CACNA1H: variants seen among roughly 807,000 people sequenced by gnomAD.
CACNA1H encodes voltage-dependent T-type calcium channel subunit alpha-1H.
CACNA1H carries 149 observed loss-of-function variants against 192.5 expected under a neutral mutation model. The ratio of observed to expected loss-of-function variants is 0.77; its 90% CI spans 0.68 to 0.89. The LOEUF (loss-of-function observed/expected upper bound fraction) is 0.89. CACNA1H is among the 40% of genes least tolerant of loss of function. The pLI is 0.00. For synonymous variants in CACNA1H, 2,202 were observed against 1,475.2 expected, an observed-to-expected ratio of 1.49 and a Z score of -11.29; for missense variants, 4,257 against 3,423.5, an observed-to-expected ratio of 1.24 and a Z score of -6.08.
intron 2 of CACNA1H, among the ~76,000 whole-genome samples, chr16:1,162,304 C>T (rs1055720200): frequency 2.6e-5 from 4 of 152,130 alleles, no homozygotes; most frequent in South Asian, 2.1e-4. Context: ...CTCACAGCTG[C>T]GAGCAGGGGT....
Position 1,154,453 on chromosome 16 carries a change from G to C in CACNA1H, c.299+417G>C, listed in dbSNP as rs981135252. On this transcript the variant is annotated intron_variant, in intron 2 of 34. Coordinates refer to ENST00000348261, the MANE Select transcript of CACNA1H (RefSeq NM_021098.3). Reference sequence around the variant, plus strand: ...CCCGAGGCAGGCCCCTCGCGGGGGAGGGGGAGGCCAGAGGAGCTGGAGTCA... The same window carrying C: ...CCCGAGGCAGGCCCCTCGCGGGGGACGGGGAGGCCAGAGGAGCTGGAGTCA... 2.0e-5 allele frequency among the ~76,000 whole-genome samples: 3 copies of C among 152,296 alleles called. No homozygotes were observed. The East Asian group carries it at 5.8e-4, about 30-fold the overall frequency.
At position 1,204,042 on chromosome 16, in the gene CACNA1H, C is replaced by T; in HGVS notation, c.2035C>T (p.Leu679Phe). The change falls in exon 10 of 35, where the codon CTC (leucine) becomes TTC (phenylalanine). Residue 679 changes from leucine to phenylalanine, a missense_variant. Leu to Phe is a conservative substitution (Grantham distance 22, BLOSUM62 0). Transcript: ENST00000348261. ...CCAGGCCCCTGGCCATCTGTCGGGC[C>T]TCAGTGTGCCCTGCCCCCTGCCCAG... ...LGQAPGHLSG[L>F]SVPCPLPSPP... is the part of the protein sequence containing the mutation. 1.6e-5 allele frequency: 26 copies of T among 1,578,506 alleles called. No homozygotes were observed. The highest frequency in any genetic ancestry group is 2.1e-5 in the Non-Finnish European group (24 of 1,163,036).
intron 2 of CACNA1H, among the ~76,000 whole-genome samples, chr16:1,162,747 C>A (rs910395540): frequency 6.6e-6 from 1 of 152,042 alleles, no homozygotes; most frequent in Admixed American, 6.5e-5. Context: ...GGATGAGACC[C>A]GGGCCCCACT....
At chr16:1,158,387 C>T (rs546084130) in intron 2 of CACNA1H, among the ~76,000 whole-genome samples, 2 of 150,766 alleles carry the variant, frequency 1.3e-5, no homozygotes, top group African/African-American at 2.4e-5. Flanking sequence ...GGGGGTCCGC[C>T]GAGCGCCTGG....
chr16:1,169,145 G>A (rs1051665076), intron 2 of CACNA1H, among the ~76,000 whole-genome samples: 4 of 138,696 alleles, frequency 2.9e-5, no homozygotes, highest in South Asian at 5.5e-4. Context: ...GCCTGGCAGC[G>A]GCCAGTCTTC....
chr16:1,215,882 G>C (rs1226081821), intron 30 of CACNA1H, among the ~76,000 whole-genome samples: 2 of 152,134 alleles, frequency 1.3e-5, no homozygotes, highest in African/African-American at 2.4e-5. Flanking sequence ...TGCAGGCAGA[G>C]GGCAGCAGGT....
chr16:1,216,552 C>T (rs940095723), intron 30 of CACNA1H, among the ~76,000 whole-genome samples: 1 of 152,214 alleles, frequency 6.6e-6, no homozygotes, highest in East Asian at 1.9e-4. Context: ...CTGAGGTAGC[C>T]GCTGAACAGG....
rs565617892 is a variant in CACNA1H at position 1,218,137 on chromosome 16, A to G, written c.5446-73A>G. ...GGATCCGTCCTTGCAGGGCAGGGGG[A>G]AGGGGACGGCACTGCCAGGGTGGCA... On this transcript the variant is annotated intron_variant, in intron 32 of 34. Coordinates refer to ENST00000348261, the MANE Select transcript of CACNA1H (RefSeq NM_021098.3). 1.1e-4 allele frequency: 171 copies of G among 1,531,430 alleles called. 1 individual carries two copies. In the South Asian group the frequency reaches 1.1e-3, roughly 10 times the overall value. The allele number at this position is 1,531,430 out of a possible 1,614,324, so 94.9% of individuals were successfully genotyped here.
intron 26 of CACNA1H, among the ~76,000 whole-genome samples, 180 bp from the exon 27 acceptor site, chr16:1,213,600 C>T (rs377074309): frequency 7.2e-5 from 11 of 152,096 alleles, no homozygotes; most frequent in East Asian, 5.9e-4. Flanking sequence ...CTGAGAGAGT[C>T]CCCCTTCTCC....
At position 1,209,275 on chromosome 16, in the gene CACNA1H, C is replaced by T. The variant is rs1969136680; in HGVS notation, c.3607C>T (p.Pro1203Ser). ...LRRAESLDPR[P>S]LRPAALPPTK... ...GCGGGCCGAGTCCCTGGACCCACGG[C>T]CCCTGCGGCCGGCCGCCCTCCCGCC... is the stretch of plus-strand genomic sequence containing the variant. Residue 1203 changes from proline to serine, a missense_variant, in exon 17 of 35, where the codon CCC becomes TCC. Transcript: ENST00000348261. The T allele has an allele frequency of 1.3e-6, 2 of 1,556,268 alleles. No individual in the cohort carries two copies. The highest frequency in any genetic ancestry group is 1.2e-5 in the South Asian group (1 of 85,868).
In CACNA1H at chr16:1,204,532, A is replaced by C. The variant is rs1185632077; in HGVS notation, c.2451+74A>C. On this transcript the variant is annotated intron_variant, in intron 10 of 34. Coordinates refer to ENST00000348261, the MANE Select transcript of CACNA1H (RefSeq NM_021098.3). ...GCCTGGGGAGTCTCAGGAGGCTTCCAGCAGCCCCGATGCCTGACCTGATGG... is the reference window on the plus strand; with the variant it reads ...GCCTGGGGAGTCTCAGGAGGCTTCCCGCAGCCCCGATGCCTGACCTGATGG... 5 of 1,228,724 alleles carry C rather than the reference A, an allele frequency of 4.1e-6. No individual in the cohort carries two copies. In the Admixed American group the frequency reaches 1.2e-4, roughly 30 times the overall value. The allele number at this position is 1,228,724 out of a possible 1,614,324, so 76.1% of individuals were successfully genotyped here.
chr16:1,159,752 A>G (rs1962935577), intron 2 of CACNA1H: 1 of 152,310 alleles, frequency 6.6e-6, no homozygotes, highest in African/African-American at 2.4e-5. Flanking sequence ...CTGGTGTCCC[A>G]CACACTCAGG....
chr16:1,214,469 C>T (rs567192967), intron 27 of CACNA1H, among the ~76,000 whole-genome samples: 1 of 152,296 alleles, frequency 6.6e-6, no homozygotes, highest in South Asian at 2.1e-4. Context: ...AGGATCTTCC[C>T]TCTCCGGAGG....
chr16:1,204,774 A>G (rs1596424836), intron 10 of CACNA1H, among the ~76,000 whole-genome samples: 4 of 99,748 alleles, frequency 4.0e-5, no homozygotes, highest in African/African-American at 3.9e-5. Flanking sequence ...GAGGGGTGGG[A>G]GCCGTGGGTG....
At chr16:1,196,822 T>A (rs1022832631) in intron 5 of CACNA1H, among the ~76,000 whole-genome samples, 3 of 151,888 alleles carry the variant, frequency 2.0e-5, no homozygotes, top group African/African-American at 7.3e-5. Context: ...GGGGATGGGG[T>A]GGGATCGTTC....
chr16:1,211,095 CT>C, intron 21 of CACNA1H, 72 bp from the exon 22 acceptor site: 1 of 1,581,478 alleles, frequency 6.3e-7, no homozygotes, highest in South Asian at 1.1e-5. Flanking sequence ...ACCTTGGGAC[CT>C]TTGCTGAGCT....
At chr16:1,210,349 C>CCG in intron 18 of CACNA1H, 21 bp from the exon 19 acceptor site, 2 of 501,590 alleles carry the variant, frequency 4.0e-6, no homozygotes, top group Non-Finnish European at 7.1e-6. Flanking sequence ...CCCCACCTCT[C>CCG]ACCCGCCCCC....
Position 1,200,499 on chromosome 16 carries a change from G to T in CACNA1H, c.1047G>T (p.Ser349=), listed in dbSNP as rs72552034. The change falls in exon 7 of 35, where the codon TCG becomes TCT. Residue 349 remains serine, a synonymous_variant. Coordinates refer to ENST00000348261, the MANE Select transcript of CACNA1H (RefSeq NM_021098.3). The stretch of plus-strand genomic sequence containing the variant: ...ACCAGTACTACAACGTGTGCCGCTC[G>T]GGTGACTCCAACCCCCACAACGGTG... The part of the protein sequence containing the change: ...NWNQYYNVCR[S]GDSNPHNGAI... The T allele has an allele frequency of 6.2e-7, 1 of 1,612,250 alleles. No homozygotes were observed. Among genetic ancestry groups the T allele is most frequent in the Non-Finnish European group, 8.5e-7 (1 of 1,179,730 alleles).
In CACNA1H at chr16:1,215,597, G is replaced by A. The variant is rs1327195892; in HGVS notation, c.5244+4G>A. 1 of 1,610,000 alleles carries A rather than the reference G, an allele frequency of 6.2e-7. No individual in the cohort carries two copies. Among genetic ancestry groups the A allele is most frequent in the South Asian group, 1.1e-5 (1 of 90,446 alleles). ...TGTGGTGCAAGCTCTCCCCCAGGTA[G>A]GTGGAGCCCGCGCCATCCTCAGCGC... On this transcript the variant is annotated splice_donor_region_variant and intron_variant, in intron 30 of 34. Coordinates refer to ENST00000348261, the MANE Select transcript of CACNA1H (RefSeq NM_021098.3).
Sources: allele counts gnomAD v4.1 joint callset (sites outside exome capture counted in the v4.1 genomes callset), GRCh38; gene constraint gnomAD v4.1.1; transcripts MANE v1.5; gene names NCBI Gene and HGNC (gene_info 2026-07-23, HGNC 2026-07-21).